The following BRINP1 variants were observed in gnomAD, a reference collection of about 807,000 sequenced individuals.
BRINP1 encodes BMP/retinoic acid inducible neural specific 1, also known as BMP/retinoic acid-inducible neural-specific protein 1.
Under a neutral mutation model 72.9 loss-of-function variants are expected in BRINP1, and 17 were observed. The observed-to-expected ratio is 0.23, with a 90% CI of 0.16 to 0.35. The LOEUF is 0.35. BRINP1 is among the 10% of genes least tolerant of loss of function. The pLI, the probability that BRINP1 is intolerant of heterozygous loss-of-function variation, is 1.00. For missense variants in BRINP1, 850 were observed against 1,001.6 expected (o/e 0.85, Z 2.04); for synonymous variants, 418 against 378.5 (o/e 1.10, Z -1.21).
intron 1 of BRINP1, among the ~76,000 whole-genome samples, chr9:119,337,207 C>T (rs10984494): frequency 3.9e-5 from 6 of 151,998 alleles, no homozygotes; most frequent in Non-Finnish European, 8.8e-5. Context: ...GAATTTTTAG[C>T]GCATCACCAC....
intron 1 of BRINP1, among the ~76,000 whole-genome samples, chr9:119,318,053 C>G (rs927950373): frequency 6.6e-6 from 1 of 152,182 alleles, no homozygotes; most frequent in African/African-American, 2.4e-5. Flanking sequence ...CTACAAATCT[C>G]TGAGATATGC....
intron 3 of BRINP1, among the ~76,000 whole-genome samples, chr9:119,244,993 C>T (rs1830299023): frequency 6.6e-6 from 1 of 152,184 alleles, no homozygotes; most frequent in Non-Finnish European, 1.5e-5. Context: ...GGTGTCTGGA[C>T]TTTAGCCCTC....
rs1348208106 is a variant in BRINP1, at chr9:119,249,805, T to TGGAAGGAAGGAAGGAAGGAA, written c.219-675_219-656dup. Among the ~76,000 whole-genome samples the TGGAAGGAAGGAAGGAAGGAA allele has an allele frequency of 1.7e-3, 53 of 31,564 alleles. 1 individual carries two copies. The highest frequency in any genetic ancestry group is 0.026 in the Middle Eastern group (1 of 38). 20.7% of individuals were successfully genotyped at this position (31,564 alleles called of 152,430 possible). ...AATGCCAGACAGAGAAATAAACAAA[T>TGGAAGGAAGGAAGGAAGGAA]GGAAGGAAGGAAGGAAGGAAGGAAG... On this transcript the variant is annotated intron_variant, in intron 2 of 7. Transcript: ENST00000265922.
intron 7 of BRINP1, among the ~76,000 whole-genome samples, chr9:119,189,798 G>A (rs576287262): frequency 6.6e-6 from 1 of 152,044 alleles, no homozygotes; most frequent in African/African-American, 2.4e-5. Flanking sequence ...TACTGAACAT[G>A]AACTGCACTT....
At chr9:119,199,204 G>A (rs1829778078) in intron 7 of BRINP1, among the ~76,000 whole-genome samples, 1 of 152,028 alleles carries the variant, frequency 6.6e-6, no homozygotes, top group Non-Finnish European at 1.5e-5. Context: ...ACTGACTTGA[G>A]TTCAATAAAA....
intron 2 of BRINP1, among the ~76,000 whole-genome samples, chr9:119,303,184 T>C (rs957369416): frequency 1.2e-4 from 19 of 152,034 alleles, no homozygotes; most frequent in Non-Finnish European, 2.5e-4. Flanking sequence ...CTGTCACAAG[T>C]GCTCAGCGAC....
intron 7 of BRINP1, 119 bp downstream of exon 7, chr9:119,208,600 C>A: frequency 2.0e-6 from 2 of 979,052 alleles, no homozygotes; most frequent in African/African-American, 1.6e-5. Context: ...CTGGACCATG[C>A]GAGGTCCTGT....
At chr9:119,174,929 G>A (rs867572976) in intron 7 of BRINP1, among the ~76,000 whole-genome samples, 1 of 146,488 alleles carries the variant, frequency 6.8e-6, no homozygotes, top group Admixed American at 6.9e-5. Context: ...AGATCACATG[G>A]ACACAGGAAG....
At chr9:119,244,099 G>C (rs988774304) in intron 3 of BRINP1, among the ~76,000 whole-genome samples, 1 of 152,028 alleles carries the variant, frequency 6.6e-6, no homozygotes, top group African/African-American at 2.4e-5. Context: ...CATCCTTCAG[G>C]TATCACCTAA....
chr9:119,325,081 C>T (rs1417391497), intron 1 of BRINP1, among the ~76,000 whole-genome samples: 2 of 147,820 alleles, frequency 1.4e-5, no homozygotes, highest in Non-Finnish European at 3.0e-5. Context: ...GCCTGGGCAA[C>T]AAGAGTGAAA....
chr9:119,273,775 C>A (rs1323860354), intron 2 of BRINP1, among the ~76,000 whole-genome samples: 1 of 152,166 alleles, frequency 6.6e-6, no homozygotes, highest in East Asian at 1.9e-4. Context: ...ACCATTTCAA[C>A]CACAAGGGTT....
intron 2 of BRINP1, among the ~76,000 whole-genome samples, chr9:119,305,047 C>A (rs954321428): frequency 6.6e-6 from 1 of 152,198 alleles, no homozygotes; most frequent in Admixed American, 6.5e-5. Context: ...ACACATGGTA[C>A]AATTTTCCTC....
At chr9:119,315,060 T>G (rs1490808748) in intron 1 of BRINP1, among the ~76,000 whole-genome samples, 2 of 152,198 alleles carry the variant, frequency 1.3e-5, no homozygotes, top group African/African-American at 4.8e-5. Context: ...TTTATTAATT[T>G]AAAAAAGCGT....
intron 1 of BRINP1, among the ~76,000 whole-genome samples, chr9:119,318,844 G>GTGTGTGTGT (rs1554754957): frequency 2.1e-5 from 3 of 142,146 alleles, no homozygotes; most frequent in African/African-American, 5.2e-5. Flanking sequence ...AAATGTGTGG[G>GTGTGTGTGT]GTGTGTGTGT....
At chr9:119,285,218 A>G (rs2118966717) in intron 2 of BRINP1, among the ~76,000 whole-genome samples, 1 of 141,612 alleles carries the variant, frequency 7.1e-6, no homozygotes, top group South Asian at 2.3e-4. Flanking sequence ...AAAAAAAAAA[A>G]AAATAGGTTG....
chr9:119,301,403 G>A (rs748042809), intron 2 of BRINP1, among the ~76,000 whole-genome samples: 42 of 152,152 alleles, frequency 2.8e-4, no homozygotes, highest in Non-Finnish European at 5.1e-4. Context: ...TGAGTCTTCT[G>A]TCTTTCCTTA....
Position 119,316,434 on chromosome 9 carries a change from G to T in BRINP1, c.-50-3029C>A, listed in dbSNP as rs1587958303. Among the ~76,000 whole-genome samples the T allele has an allele frequency of 2.0e-5, 3 of 152,174 alleles. No homozygotes were observed. The East Asian group carries it at 5.8e-4, about 29-fold the overall frequency. ...ACAAAATAGCTTTATATCTGAAGAT[G>T]TCGATGATTTTCATAGCTAGAGAGA... On this transcript the variant is annotated intron_variant, in intron 1 of 7. Transcript: ENST00000265922.
intron 5 of BRINP1, among the ~76,000 whole-genome samples, chr9:119,222,347 T>C (rs1830049049): frequency 6.6e-6 from 1 of 152,154 alleles, no homozygotes; most frequent in Non-Finnish European, 1.5e-5. Flanking sequence ...AGTCTATTTT[T>C]ATAAACAAAT....
intron 2 of BRINP1, among the ~76,000 whole-genome samples, chr9:119,286,211 G>C (rs116499242): frequency 6.6e-6 from 1 of 151,582 alleles, no homozygotes; most frequent in African/African-American, 2.4e-5. Context: ...TGAGGGCATC[G>C]AGAGTGTTAT....
Sources: allele counts gnomAD v4.1 joint callset (sites outside exome capture counted in the v4.1 genomes callset), GRCh38; gene constraint gnomAD v4.1.1; transcripts MANE v1.5; gene names NCBI Gene and HGNC (gene_info 2026-07-23, HGNC 2026-07-21).